Variants in C9orf153 observed in about 807,000 individuals in gnomAD.
C9orf153 encodes the protein chromosome 9 open reading frame 153, also known as uncharacterized protein C9orf153.
In C9orf153, 10 loss-of-function variants were observed where a neutral mutation model predicts 9.0. That is an observed-to-expected ratio of 1.11 (90% CI 0.69 to 1.89). The LOEUF is 1.89. Among genes scored for constraint, C9orf153 ranks in the 40% most tolerant of loss-of-function variants. The probability of loss-of-function intolerance (pLI) is 0.00; values close to 1 mark genes in which losing one functional copy is unlikely to be tolerated. For missense variants in C9orf153, 108 were observed against 111.0 expected (o/e 0.97, Z 0.12); for synonymous variants, 35 against 37.3 (o/e 0.94, Z 0.23).
At chr9:86,254,235 T>C (rs750151250) in intron 1 of C9orf153, among the ~76,000 whole-genome samples, 21 of 152,172 alleles carry the variant, frequency 1.4e-4, no homozygotes, top group Non-Finnish European at 2.1e-4. Flanking sequence ...GATTCTTACC[T>C]TGTCCATTGT....
chr9:86,240,106 C>T (rs1824697894), intron 1 of C9orf153, among the ~76,000 whole-genome samples: 1 of 152,148 alleles, frequency 6.6e-6, no homozygotes, highest in Non-Finnish European at 1.5e-5. Context: ...TCATATGGTT[C>T]TAAGAACTTA....
At chr9:86,249,217 T>A (rs1031203479) in intron 1 of C9orf153, among the ~76,000 whole-genome samples, 4 of 152,200 alleles carry the variant, frequency 2.6e-5, no homozygotes, top group Admixed American at 6.5e-5. Context: ...CTTCTAAAAC[T>A]AAATTACAAC....
intron 1 of C9orf153, among the ~76,000 whole-genome samples, chr9:86,240,441 A>G (rs1344529471): frequency 7.1e-6 from 1 of 140,128 alleles, no homozygotes; most frequent in Non-Finnish European, 1.5e-5. Context: ...CAGTGGCGCT[A>G]TCTCGGCTCA....
intron 1 of C9orf153, among the ~76,000 whole-genome samples, chr9:86,253,525 A>G (rs973039822): frequency 6.6e-6 from 1 of 152,244 alleles, no homozygotes; most frequent in Non-Finnish European, 1.5e-5. Context: ...TTCTTTATGA[A>G]AAAGCCCCAG....
chr9:86,239,186 G>C (rs1250484192), intron 1 of C9orf153, among the ~76,000 whole-genome samples: 1 of 151,866 alleles, frequency 6.6e-6, no homozygotes, highest in African/African-American at 2.4e-5. Context: ...ACTTGAACCC[G>C]GGAGGCGGAG....
chr9:86,229,759 A>G (rs1824426220), intron 1 of C9orf153, 130 bp from the exon 2 acceptor site: 1 of 584,230 alleles, frequency 1.7e-6, no homozygotes, highest in Non-Finnish European at 3.0e-6. Context: ...TTATACCTGT[A>G]TTAGTCCATT....
At chr9:86,248,212 C>A (rs997243441) in intron 1 of C9orf153, among the ~76,000 whole-genome samples, 3 of 151,982 alleles carry the variant, frequency 2.0e-5, no homozygotes, top group African/African-American at 7.3e-5. Context: ...CGGCTCACTG[C>A]AACCTCCACC....
intron 1 of C9orf153, among the ~76,000 whole-genome samples, chr9:86,238,200 C>A (rs1039171585): frequency 6.6e-6 from 1 of 152,118 alleles, no homozygotes; most frequent in Non-Finnish European, 1.5e-5. Flanking sequence ...GACTTTAATA[C>A]CCCTCTATCG....
intron 1 of C9orf153, among the ~76,000 whole-genome samples, chr9:86,256,917 CG>C (rs1421687029): frequency 1.3e-5 from 2 of 152,028 alleles, no homozygotes; most frequent in Non-Finnish European, 2.9e-5. Context: ...CCCAGCTACA[CG>C]GGAGGCTGAG....
intron 1 of C9orf153, among the ~76,000 whole-genome samples, chr9:86,254,090 CAAAAA>C (rs35119532): frequency 1.8e-5 from 2 of 108,216 alleles, no homozygotes; most frequent in African/African-American, 3.5e-5. Flanking sequence ...GACTCCATTT[CAAAAA>C]AAAAAAAAAA....
chr9:86,223,953 G>A (rs1268970073), intron 3 of C9orf153, among the ~76,000 whole-genome samples: 1 of 152,142 alleles, frequency 6.6e-6, no homozygotes, highest in African/African-American at 2.4e-5. Flanking sequence ...TAAGTCAATG[G>A]GTTCAGAGTT....
chr9:86,254,785 A>C (rs1272724303), intron 1 of C9orf153, among the ~76,000 whole-genome samples: 1 of 152,192 alleles, frequency 6.6e-6, no homozygotes, highest in Non-Finnish European at 1.5e-5. Flanking sequence ...GGCCGGGCAC[A>C]GTGGCTCACA....
At chr9:86,236,400 G>C (rs1430266738) in intron 1 of C9orf153, among the ~76,000 whole-genome samples, 1 of 151,756 alleles carries the variant, frequency 6.6e-6, no homozygotes, top group Non-Finnish European at 1.5e-5. Context: ...AATACAAAAA[G>C]TTAGCCAGCT....
At chr9:86,247,906 G>A (rs1824904751) in intron 1 of C9orf153, among the ~76,000 whole-genome samples, 1 of 152,108 alleles carries the variant, frequency 6.6e-6, no homozygotes, top group African/African-American at 2.4e-5. Context: ...ACGGTCTGGG[G>A]ATCATTGGTC....
chr9:86,248,280 C>T (rs779550218), intron 1 of C9orf153, among the ~76,000 whole-genome samples: 1 of 151,866 alleles, frequency 6.6e-6, no homozygotes, highest in African/African-American at 2.4e-5. Flanking sequence ...ATTACAGGTG[C>T]CTGCCACCAC....
At chr9:86,227,776 A>G (rs1824369043) in intron 3 of C9orf153, 79 bp downstream of exon 3, 1 of 1,519,184 alleles carries the variant, frequency 6.6e-7, no homozygotes, top group Admixed American at 2.2e-5. Context: ...TCTCCATGGG[A>G]GAGAGTGAGC....
chr9:86,223,509 A>G (rs1824250248), intron 3 of C9orf153, among the ~76,000 whole-genome samples: 1 of 152,106 alleles, frequency 6.6e-6, no homozygotes, highest in Non-Finnish European at 1.5e-5. Flanking sequence ...ATGATCTCTG[A>G]CAGACACTTT....
intron 1 of C9orf153, among the ~76,000 whole-genome samples, chr9:86,235,767 AAG>A (rs1563999775): frequency 2.1e-5 from 3 of 145,920 alleles, no homozygotes; most frequent in Admixed American, 1.3e-4. Flanking sequence ...AAAAAAAAAA[AAG>A]AGAGAGAGAA....
At chr9:86,258,893 C>T (rs1268685542) in intron 1 of C9orf153, among the ~76,000 whole-genome samples, 6 of 151,468 alleles carry the variant, frequency 4.0e-5, no homozygotes, top group East Asian at 1.9e-4. Context: ...CTTGATGAGC[C>T]GGTATCAATG....
Sources: allele counts gnomAD v4.1 joint callset (sites outside exome capture counted in the v4.1 genomes callset), GRCh38; gene constraint gnomAD v4.1.1; transcripts MANE v1.5; gene names NCBI Gene and HGNC (gene_info 2026-07-23, HGNC 2026-07-21).